The following HAPLN1 variants were observed in gnomAD, a reference collection of about 807,000 sequenced individuals.
HAPLN1 encodes the protein Cartilage link protein.
HAPLN1 carries 13 observed loss-of-function variants against 36.5 expected under a neutral mutation model. That is an observed-to-expected ratio of 0.36 (90% confidence interval 0.23 to 0.57). HAPLN1 has a LOEUF of 0.57. HAPLN1 is among the 20% of genes least tolerant of loss of function. HAPLN1 has a pLI of 0.83. For missense variants in HAPLN1, 407 were observed against 439.7 expected (o/e 0.93, Z 0.66); for synonymous variants, 202 against 169.8 (o/e 1.19, Z -1.48).
At chr5:83,695,627 TATAG>T (rs10574168) in intron 1 of HAPLN1, among the ~76,000 whole-genome samples, 38,852 of 146,862 alleles carry the variant, frequency 0.26, 5,661 homozygotes, top group Non-Finnish European at 0.34. Flanking sequence ...TATATATCTA[TATAG>T]ATAAATATAT....
Position 83,661,625 on chromosome 5 carries a change from T to C in HAPLN1, c.101-8801A>G, listed in dbSNP as rs535503086. Among the ~76,000 whole-genome samples the C allele has an allele frequency of 1.2e-4, 19 of 152,074 alleles. 1 individual carries two copies. In the South Asian group the frequency reaches 1.9e-3, roughly 15 times the overall value. On this transcript the variant is annotated intron_variant, in intron 2 of 4. Transcript: ENST00000274341. ...CCGCCCGGCTAATTTTTTGTATTTT[T>C]AGTAGAGACGGGGTTTCACCGTGTT... is the stretch of plus-strand genomic sequence containing the variant.
intron 2 of HAPLN1, among the ~76,000 whole-genome samples, chr5:83,655,520 GTGTGT>G (rs1750185520): frequency 1.3e-5 from 2 of 149,204 alleles, no homozygotes; most frequent in African/African-American, 4.9e-5. Context: ...ACTTTGGGGT[GTGTGT>G]GTGTGTGTGT....
At chr5:83,665,666 A>T (rs939479224) in intron 2 of HAPLN1, among the ~76,000 whole-genome samples, 10 of 152,206 alleles carry the variant, frequency 6.6e-5, no homozygotes, top group African/African-American at 2.4e-4. Context: ...CATTTTATAC[A>T]TGATGGATTA....
At chr5:83,692,103 A>T (rs1751289700) in intron 1 of HAPLN1, among the ~76,000 whole-genome samples, 1 of 151,898 alleles carries the variant, frequency 6.6e-6, no homozygotes, top group Non-Finnish European at 1.5e-5. Context: ...CAGGGAGAAG[A>T]AAAATGACTG....
chr5:83,688,044 T>C (rs1751174366), intron 1 of HAPLN1, among the ~76,000 whole-genome samples: 1 of 152,190 alleles, frequency 6.6e-6, no homozygotes, highest in Non-Finnish European at 1.5e-5. Flanking sequence ...TTGTCTTTTC[T>C]CTTTTTAGAA....
chr5:83,692,250 A>T (rs1338720905), intron 1 of HAPLN1, among the ~76,000 whole-genome samples: 2 of 151,978 alleles, frequency 1.3e-5, no homozygotes, highest in Non-Finnish European at 2.9e-5. Context: ...TTCAAATTTG[A>T]TAAAAATTAC....
chr5:83,712,808 T>C (rs1751823853), intron 1 of HAPLN1, among the ~76,000 whole-genome samples: 1 of 150,698 alleles, frequency 6.6e-6, no homozygotes, highest in African/African-American at 2.4e-5. Flanking sequence ...GGGTAATACT[T>C]AAAGTTATTG....
intron 1 of HAPLN1, among the ~76,000 whole-genome samples, chr5:83,715,167 G>A (rs1751890036): frequency 6.6e-6 from 1 of 152,202 alleles, no homozygotes; most frequent in Non-Finnish European, 1.5e-5. Context: ...AAGGCTCCCA[G>A]ATGTTTAAAA....
chr5:83,720,777 T>C lies in HAPLN1; in HGVS notation c.-27+12A>G, dbSNP rs1752000296. The C allele has an allele frequency of 6.6e-6, 1 of 152,246 alleles. No homozygotes were observed. Among genetic ancestry groups the C allele is most frequent in the African/African-American group, 2.4e-5 (1 of 41,462 alleles). 9.4% of individuals were successfully genotyped at this position (152,246 alleles called of 1,614,324 possible). ...ATAACCAAAAGAGGGGGAAACAATT[T>C]GCAAGTTTTACCTTGTCCTGAAATC... On this transcript the variant is annotated intron_variant, in intron 1 of 4. Coordinates refer to ENST00000274341, the MANE Select transcript of HAPLN1 (RefSeq NM_001884.4).
At chr5:83,694,663 A>G (rs146599171) in intron 1 of HAPLN1, among the ~76,000 whole-genome samples, 1 of 152,258 alleles carries the variant, frequency 6.6e-6, no homozygotes, top group Non-Finnish European at 1.5e-5. Flanking sequence ...ATTCTTTGAA[A>G]GATAAAAATT....
At chr5:83,713,016 C>A (rs544303493) in intron 1 of HAPLN1, among the ~76,000 whole-genome samples, 4 of 152,056 alleles carry the variant, frequency 2.6e-5, no homozygotes, top group Non-Finnish European at 5.9e-5. Context: ...TTGAATTAGT[C>A]TGCATTCTGT....
chr5:83,649,953 G>A (rs1392286941), intron 3 of HAPLN1, among the ~76,000 whole-genome samples: 2 of 152,208 alleles, frequency 1.3e-5, no homozygotes, highest in South Asian at 2.1e-4. Flanking sequence ...AAAACAAAAT[G>A]TGATCAGAGC....
At chr5:83,713,186 A>C (rs963537172) in intron 1 of HAPLN1, among the ~76,000 whole-genome samples, 2 of 152,206 alleles carry the variant, frequency 1.3e-5, no homozygotes, top group African/African-American at 4.8e-5. Flanking sequence ...AAATGTAATA[A>C]ACAACTATAA....
In HAPLN1 at chr5:83,644,334, G is replaced by A. The variant is rs1253072723; in HGVS notation, c.775+29C>T. On this transcript the variant is annotated intron_variant, in intron 4 of 4. Transcript: ENST00000274341. ...TAGTATGGAATAGTCTGTGAGATAG[G>A]AAAGAAGGCAGTACAGTTATTATCT... is the stretch of plus-strand genomic sequence containing the variant. 17 of 1,451,912 alleles carry A rather than the reference G, an allele frequency of 1.2e-5. No individual in the cohort carries two copies. The African/African-American group carries it at 2.2e-4, about 19-fold the overall frequency. 89.9% of individuals were successfully genotyped at this position (1,451,912 alleles called of 1,614,324 possible). A position where few individuals can be genotyped will look rare whatever the true frequency, so the allele number is the denominator to read the frequency against.
Position 83,639,959 on chromosome 5 carries a change from T to A in HAPLN1, c.*1537A>T, listed in dbSNP as rs1313867376. The A allele has an allele frequency of 1.3e-5, 2 of 152,108 alleles. No individual in the cohort carries two copies. The highest frequency in any genetic ancestry group is 2.9e-5 in the Non-Finnish European group (2 of 67,958). 9.4% of individuals were successfully genotyped at this position (152,108 alleles called of 1,614,324 possible). On this transcript the variant is annotated 3_prime_UTR_variant, in exon 5 of 5. Transcript: ENST00000274341. ...CTATAGAGTAAATTTATTAGAATTA[T>A]TACAGAGCTTTAAATGCAACCACAA... is the stretch of plus-strand genomic sequence containing the variant.
intron 2 of HAPLN1, among the ~76,000 whole-genome samples, chr5:83,672,204 G>T (rs1273018619): frequency 6.6e-6 from 1 of 152,068 alleles, no homozygotes; most frequent in Non-Finnish European, 1.5e-5. Flanking sequence ...ATAACGACTA[G>T]GTATTACTAT....
At chr5:83,713,337 A>G (rs1412743876) in intron 1 of HAPLN1, among the ~76,000 whole-genome samples, 1 of 152,202 alleles carries the variant, frequency 6.6e-6, no homozygotes, top group Non-Finnish European at 1.5e-5. Flanking sequence ...ACTGACTAGG[A>G]CTGTGAGATG....
chr5:83,697,540 T>C (rs1422093422), intron 1 of HAPLN1, among the ~76,000 whole-genome samples: 1 of 152,166 alleles, frequency 6.6e-6, no homozygotes, highest in Non-Finnish European at 1.5e-5. Context: ...ATTTTTTGAA[T>C]TCTGGGCCTT....
chr5:83,680,588 G>T (rs903496562), intron 1 of HAPLN1, among the ~76,000 whole-genome samples: 1 of 152,112 alleles, frequency 6.6e-6, no homozygotes, highest in African/African-American at 2.4e-5. Context: ...AGTTGAGGAA[G>T]TCAATAAATA....
Sources: gnomAD v4.1 joint callset for allele counts (sites outside exome capture counted in the v4.1 genomes callset) on GRCh38, gnomAD v4.1.1 for gene constraint, MANE v1.5 for transcripts, NCBI Gene and HGNC (gene_info 2026-07-23, HGNC 2026-07-21) for gene names.